DNM3: variants seen among roughly 807,000 people sequenced by gnomAD.
DNM3 encodes the protein dynamin-3.
A neutral mutation model predicts 101.6 loss-of-function variants in DNM3; 47 were observed. The ratio of observed to expected loss-of-function variants is 0.46; its 90% CI spans 0.37 to 0.59. DNM3 has a LOEUF of 0.59. Among genes scored for constraint, DNM3 ranks in the 20% least tolerant of loss-of-function variants. DNM3 has a pLI of 0.00. For missense variants in DNM3, 849 were observed against 1,085.7 expected, an observed-to-expected ratio of 0.78 and a Z score of 3.06; for synonymous variants, 385 against 387.9, an observed-to-expected ratio of 0.99 and a Z score of 0.09.
chr1:172,152,719 G>C (rs10797791), intron 14 of DNM3, among the ~76,000 whole-genome samples: 7 of 151,842 alleles, frequency 4.6e-5, no homozygotes, highest in Non-Finnish European at 7.4e-5. Context: ...CCCACTTAAA[G>C]CTACCATTCC....
intron 1 of DNM3, among the ~76,000 whole-genome samples, chr1:171,886,986 A>G (rs2036837130): frequency 6.6e-6 from 1 of 152,202 alleles, no homozygotes; most frequent in South Asian, 2.1e-4. Context: ...ATGTGATGTG[A>G]TTTGATAATA....
chr1:172,274,262 G>A (rs1341655684), intron 15 of DNM3, among the ~76,000 whole-genome samples: 2 of 152,060 alleles, frequency 1.3e-5, no homozygotes. Context: ...TCTTTGCTGA[G>A]TGATGATGCA....
intron 1 of DNM3, among the ~76,000 whole-genome samples, chr1:171,846,519 G>C (rs1420880982): frequency 1.3e-5 from 2 of 152,098 alleles, no homozygotes; most frequent in Non-Finnish European, 2.9e-5. Flanking sequence ...TAGAGTGTTA[G>C]GTATTCTTCT....
At chr1:172,254,129 G>A (rs2062303403) in intron 15 of DNM3, among the ~76,000 whole-genome samples, 1 of 151,978 alleles carries the variant, frequency 6.6e-6, no homozygotes, top group South Asian at 2.1e-4. Flanking sequence ...AAATTGTTTT[G>A]TATGCAGTTG....
At chr1:172,080,619 T>C (rs936211410) in intron 11 of DNM3, among the ~76,000 whole-genome samples, 2 of 152,136 alleles carry the variant, frequency 1.3e-5, no homozygotes, top group African/African-American at 4.8e-5. Context: ...CAGCCCCCTT[T>C]CCAGGGGAGT....
At chr1:172,335,637 G>T (rs1420374021) in intron 17 of DNM3, among the ~76,000 whole-genome samples, 3 of 152,134 alleles carry the variant, frequency 2.0e-5, no homozygotes, top group Admixed American at 6.5e-5. Context: ...CATGTCCTTT[G>T]CAGCAACATG....
chr1:171,939,189 G>A (rs750253406), intron 2 of DNM3, among the ~76,000 whole-genome samples: 1 of 152,000 alleles, frequency 6.6e-6, no homozygotes, highest in Non-Finnish European at 1.5e-5. Flanking sequence ...TCAAAATTTT[G>A]AGAAAAGCAA....
intron 2 of DNM3, among the ~76,000 whole-genome samples, chr1:171,976,159 A>G (rs567929627): frequency 1.3e-5 from 2 of 152,332 alleles, no homozygotes; most frequent in Admixed American, 1.3e-4. Context: ...AGGTTACTGG[A>G]AAAAAATAGA....
intron 10 of DNM3, among the ~76,000 whole-genome samples, chr1:172,054,729 C>A (rs933890279): frequency 6.6e-6 from 1 of 152,050 alleles, no homozygotes; most frequent in Non-Finnish European, 1.5e-5. Flanking sequence ...GAGGCCGAGG[C>A]GGATGGATCA....
At chr1:172,285,125 C>G (rs1011749941) in intron 15 of DNM3, among the ~76,000 whole-genome samples, 1 of 152,194 alleles carries the variant, frequency 6.6e-6, no homozygotes, top group African/African-American at 2.4e-5. Context: ...CATCTGTCTG[C>G]TGAAATATCA....
At chr1:172,058,881 C>G (rs1445871099) in intron 10 of DNM3, among the ~76,000 whole-genome samples, 1 of 151,810 alleles carries the variant, frequency 6.6e-6, no homozygotes, top group East Asian at 1.9e-4. Context: ...CAAAAAAAAC[C>G]CTTAAAAAAT....
chr1:172,010,247 GAGAA>G (rs757896147), intron 4 of DNM3, among the ~76,000 whole-genome samples: 3 of 151,830 alleles, frequency 2.0e-5, no homozygotes, highest in Non-Finnish European at 4.4e-5. Context: ...TGTTAAAAAT[GAGAA>G]AGAAATATTC....
chr1:172,387,595 C>T (rs564407552), intron 19 of DNM3, among the ~76,000 whole-genome samples: 10 of 150,898 alleles, frequency 6.6e-5, no homozygotes, highest in African/African-American at 1.9e-4. Context: ...GGAGGCAGAG[C>T]TTGCAGTGAG....
At chr1:171,938,337 C>T (rs914413181) in intron 2 of DNM3, among the ~76,000 whole-genome samples, 2 of 152,110 alleles carry the variant, frequency 1.3e-5, no homozygotes, top group African/African-American at 2.4e-5. Context: ...CTACTGAAAT[C>T]CCTGTACAAA....
intron 15 of DNM3, among the ~76,000 whole-genome samples, chr1:172,261,972 A>G (rs1008475665): frequency 2.0e-4 from 30 of 152,164 alleles, no homozygotes; most frequent in African/African-American, 6.3e-4. Context: ...TAAAGGGGGA[A>G]GGAGTGGAGC....
At chr1:172,262,761 T>G (rs1013306647) in intron 15 of DNM3, among the ~76,000 whole-genome samples, 3 of 152,192 alleles carry the variant, frequency 2.0e-5, no homozygotes, top group African/African-American at 7.2e-5. Context: ...CTCTTTGTAT[T>G]TGAACAGGCC....
intron 13 of DNM3, among the ~76,000 whole-genome samples, chr1:172,124,856 C>G (rs889073795): frequency 2.0e-5 from 3 of 152,188 alleles, no homozygotes; most frequent in Admixed American, 2.0e-4. Context: ...GTTCACCTCT[C>G]GAGGCCTGCC....
At chr1:172,207,676 G>A (rs1167407692) in intron 14 of DNM3, among the ~76,000 whole-genome samples, 1 of 151,966 alleles carries the variant, frequency 6.6e-6, no homozygotes, top group Non-Finnish European at 1.5e-5. Context: ...TTGTTTTTAT[G>A]TGTATGCTTT....
At chr1:171,893,689 A>G (rs1037425720) in intron 1 of DNM3, among the ~76,000 whole-genome samples, 13 of 152,124 alleles carry the variant, frequency 8.5e-5, no homozygotes, top group African/African-American at 2.4e-5. Context: ...TCCTGGGCTC[A>G]AGTGATCCTC....
Sources: gnomAD v4.1 joint callset for allele counts (sites outside exome capture counted in the v4.1 genomes callset) on GRCh38, gnomAD v4.1.1 for gene constraint, MANE v1.5 for transcripts, NCBI Gene and HGNC (gene_info 2026-07-23, HGNC 2026-07-21) for gene names.